The following CDH13 variants were observed in gnomAD, a reference collection of about 807,000 sequenced individuals.
CDH13 encodes cadherin-13.
CDH13 carries 24 observed loss-of-function variants against 63.8 expected under a neutral mutation model. The observed-to-expected ratio is 0.38, with a 90% CI of 0.27 to 0.53. The LOEUF is 0.53. CDH13 is among the 20% of genes least tolerant of loss of function. The pLI is 0.85. For synonymous variants in CDH13, 503 were observed against 355.3 expected (o/e 1.42, Z -4.67); for missense variants, 1,049 against 903.1 (o/e 1.16, Z -2.07).
intron 7 of CDH13, among the ~76,000 whole-genome samples, chr16:83,536,911 A>C (rs769777925): frequency 1.2e-4 from 19 of 152,218 alleles, no homozygotes; most frequent in Non-Finnish European, 2.5e-4. Context: ...GTGCAATCGA[A>C]ATTGAAATGG....
At chr16:83,683,624 T>A (rs1257290215) in intron 10 of CDH13, among the ~76,000 whole-genome samples, 1 of 152,246 alleles carries the variant, frequency 6.6e-6, no homozygotes, top group Non-Finnish European at 1.5e-5. Context: ...ATTCCCTTGT[T>A]GTTGACTATT....
At chr16:82,630,973 A>G (rs1907937671) in intron 1 of CDH13, among the ~76,000 whole-genome samples, 1 of 152,242 alleles carries the variant, frequency 6.6e-6, no homozygotes. Flanking sequence ...CAGCAACTCC[A>G]TCAAAACAAA....
chr16:83,116,315 G>A (rs145453607), intron 3 of CDH13, among the ~76,000 whole-genome samples: 1 of 152,302 alleles, frequency 6.6e-6, no homozygotes, highest in African/African-American at 2.4e-5. Flanking sequence ...GGGAGGTCAG[G>A]GGGATGGGGC....
At chr16:83,691,423 G>A (rs1904869787) in intron 10 of CDH13, among the ~76,000 whole-genome samples, 1 of 152,094 alleles carries the variant, frequency 6.6e-6, no homozygotes, top group South Asian at 2.1e-4. Flanking sequence ...GTAGGGCTGT[G>A]GCCAAGCCCT....
chr16:83,527,199 C>T (rs1371460405), intron 7 of CDH13, among the ~76,000 whole-genome samples: 1 of 151,960 alleles, frequency 6.6e-6, no homozygotes, highest in Non-Finnish European at 1.5e-5. Flanking sequence ...CCTGTAATCT[C>T]AGTGCTTTGG....
chr16:83,374,330 A>AT (rs2091424230), intron 6 of CDH13, among the ~76,000 whole-genome samples: 1 of 152,188 alleles, frequency 6.6e-6, no homozygotes, highest in East Asian at 1.9e-4. Context: ...CCTCAAGAAG[A>AT]TTCCAAGCCA....
intron 5 of CDH13, among the ~76,000 whole-genome samples, chr16:83,282,088 GGA>G (rs1311809146): frequency 1.3e-5 from 2 of 152,076 alleles, no homozygotes; most frequent in Admixed American, 6.5e-5. Context: ...CCAAGGAGAG[GGA>G]GAGAGATGGG....
At chr16:83,761,636 C>T (rs6563977) in intron 11 of CDH13, among the ~76,000 whole-genome samples, 3,609 of 152,214 alleles carry the variant, frequency 0.024, 155 homozygotes, top group African/African-American at 0.082. Context: ...GAGACTGGCA[C>T]GAGAGTAGGT....
chr16:83,004,091 G>T (rs938597895), intron 2 of CDH13, among the ~76,000 whole-genome samples: 1 of 152,202 alleles, frequency 6.6e-6, no homozygotes, highest in Non-Finnish European at 1.5e-5. Flanking sequence ...ATTTGATAAG[G>T]AAATTTTCTT....
chr16:83,353,348 T>C (rs2090994702), intron 6 of CDH13, among the ~76,000 whole-genome samples: 1 of 152,214 alleles, frequency 6.6e-6, no homozygotes, highest in Non-Finnish European at 1.5e-5. Flanking sequence ...GGGATTTCCC[T>C]CCTCCATATC....
intron 4 of CDH13, among the ~76,000 whole-genome samples, chr16:83,150,358 C>T (rs566539926): frequency 1.3e-5 from 2 of 152,118 alleles, no homozygotes; most frequent in Non-Finnish European, 1.5e-5. Context: ...TCTATATCTC[C>T]CTATCCCTAC....
At chr16:82,710,532 CAAAAA>C (rs71913517) in intron 1 of CDH13, among the ~76,000 whole-genome samples, 650 of 55,770 alleles carry the variant, frequency 0.012, 5 homozygotes, top group African/African-American at 0.041. Flanking sequence ...GACTCTGTCT[CAAAAA>C]AAAAAAAAAA....
chr16:83,441,763 G>A (rs1229498844), intron 6 of CDH13, among the ~76,000 whole-genome samples: 1 of 152,072 alleles, frequency 6.6e-6, no homozygotes, highest in Non-Finnish European at 1.5e-5. Context: ...GTACCTGGTG[G>A]AGCCCTATGA....
intron 4 of CDH13, among the ~76,000 whole-genome samples, chr16:83,148,454 C>A (rs1489211178): frequency 2.0e-5 from 3 of 152,194 alleles, no homozygotes; most frequent in Admixed American, 6.5e-5. Flanking sequence ...TCTGTGGAGT[C>A]AGACTGCAAG....
intron 3 of CDH13, among the ~76,000 whole-genome samples, chr16:83,084,493 C>G (rs1487188890): frequency 6.6e-6 from 1 of 152,222 alleles, no homozygotes; most frequent in African/African-American, 2.4e-5. Context: ...GTCCTTTGAA[C>G]TTTCAAGATT....
intron 5 of CDH13, among the ~76,000 whole-genome samples, chr16:83,231,249 C>T (rs1283562058): frequency 1.3e-5 from 2 of 152,184 alleles, no homozygotes; most frequent in African/African-American, 2.4e-5. Context: ...TGGATCATGG[C>T]ATGCCGGTAC....
intron 4 of CDH13, among the ~76,000 whole-genome samples, chr16:83,151,068 C>G (rs145840689): frequency 2.0e-4 from 30 of 152,254 alleles, no homozygotes; most frequent in East Asian, 3.9e-4. Context: ...AAAGTGAAAT[C>G]AATCTTGTTC....
At position 82,716,537 on chromosome 16, in the gene CDH13, A is replaced by G. The variant is rs73603130; in HGVS notation, c.45+89400A>G. 2.1e-3 allele frequency among the ~76,000 whole-genome samples: 318 copies of G among 150,642 alleles called. 1 individual carries two copies. Among genetic ancestry groups the G allele is most frequent in the African/African-American group, 7.4e-3 (301 of 40,844 alleles). On this transcript the variant is annotated intron_variant, in intron 1 of 13. Transcript: ENST00000567109. ...AAAGTTGGGGATTATGAGTGGAGGA[A>G]TCGGGGTTATTTATCCTGGAAAAGA...
intron 1 of CDH13, among the ~76,000 whole-genome samples, chr16:82,648,508 TG>T (rs1455498600): frequency 1.3e-5 from 2 of 152,134 alleles, no homozygotes; most frequent in Non-Finnish European, 2.9e-5. Flanking sequence ...GATAATGGCA[TG>T]GAAAAATCAT....
Sources: allele counts gnomAD v4.1 joint callset (sites outside exome capture counted in the v4.1 genomes callset), GRCh38; gene constraint gnomAD v4.1.1; transcripts MANE v1.5; gene names NCBI Gene and HGNC (gene_info 2026-07-23, HGNC 2026-07-21).